LRMDA: variants seen among roughly 807,000 people sequenced by gnomAD.
LRMDA encodes leucine-rich melanocyte differentiation-associated protein.
In LRMDA, 18 loss-of-function variants were observed where a neutral mutation model predicts 29.8. That is an observed-to-expected ratio of 0.60 (90% CI 0.42 to 0.90). LRMDA has a LOEUF of 0.90. Ranked by LOEUF, LRMDA falls within the 40% of genes least tolerant of loss-of-function variation. LRMDA has a pLI of 0.00. For missense variants in LRMDA, 273 were observed against 273.9 expected, an observed-to-expected ratio of 1.00 and a Z score of 0.02; for synonymous variants, 125 against 109.4, an observed-to-expected ratio of 1.14 and a Z score of -0.89.
intron 2 of LRMDA, among the ~76,000 whole-genome samples, chr10:76,021,942 A>C (rs1417896439): frequency 6.6e-6 from 1 of 152,208 alleles, no homozygotes; most frequent in African/African-American, 2.4e-5. Context: ...AGAAAGGAAA[A>C]GTGTCCTCCT....
At chr10:76,001,571 G>A (rs1027848420) in intron 2 of LRMDA, among the ~76,000 whole-genome samples, 59 of 152,028 alleles carry the variant, frequency 3.9e-4, no homozygotes, top group African/African-American at 1.3e-3. Flanking sequence ...ACTGACTGAT[G>A]AATATAATGT....
At chr10:75,532,397 T>G (rs1845487878) in intron 2 of LRMDA, among the ~76,000 whole-genome samples, 1 of 152,064 alleles carries the variant, frequency 6.6e-6, no homozygotes, top group Non-Finnish European at 1.5e-5. Flanking sequence ...GGGTTCTGAG[T>G]CCCCAGATGT....
intron 2 of LRMDA, among the ~76,000 whole-genome samples, chr10:75,601,569 G>A (rs749919814): frequency 3.7e-4 from 56 of 152,102 alleles, no homozygotes; most frequent in Non-Finnish European, 7.1e-4. Flanking sequence ...GTGCAAATAA[G>A]GGAATTTTTA....
chr10:75,719,370 A>G (rs906196015), intron 2 of LRMDA, among the ~76,000 whole-genome samples: 4 of 152,216 alleles, frequency 2.6e-5, no homozygotes, highest in African/African-American at 9.6e-5. Context: ...TTTGTGTGAC[A>G]AGGTAACCAG....
At position 76,036,223 on chromosome 10, in the gene LRMDA, T is replaced by C. The variant is rs1437552993; in HGVS notation, c.258+89T>C. 14 of 1,306,740 alleles carry C rather than the reference T, an allele frequency of 1.1e-5. No homozygotes were observed. The African/African-American group carries it at 1.8e-4, about 17-fold the overall frequency. The allele number at this position is 1,306,740 out of a possible 1,614,324, so 80.9% of individuals were successfully genotyped here. A position where few individuals can be genotyped will look rare whatever the true frequency, so the allele number is the denominator to read the frequency against. On this transcript the variant is annotated intron_variant, in intron 3 of 6. Coordinates refer to ENST00000611255, the MANE Select transcript of LRMDA (RefSeq NM_001305581.2). ...ACCCTGCACAAATACCTGCAAAATGTCAAATGAGTTTTACGTGTCAGCTAA... is the reference window on the plus strand; with the variant it reads ...ACCCTGCACAAATACCTGCAAAATGCCAAATGAGTTTTACGTGTCAGCTAA...
chr10:75,674,528 GTGT>G (rs1353131673), intron 2 of LRMDA, among the ~76,000 whole-genome samples: 2 of 151,768 alleles, frequency 1.3e-5, no homozygotes, highest in Non-Finnish European at 1.5e-5. Context: ...CTCTAACTAA[GTGT>G]TATCACCCGG....
At chr10:75,635,919 G>C (rs954464203) in intron 2 of LRMDA, among the ~76,000 whole-genome samples, 27 of 152,228 alleles carry the variant, frequency 1.8e-4, no homozygotes, top group African/African-American at 5.5e-4. Flanking sequence ...AGTCTCAATG[G>C]TTAGTGCTGG....
chr10:75,923,886 A>G, intron 2 of LRMDA, among the ~76,000 whole-genome samples: 1 of 152,176 alleles, frequency 6.6e-6, no homozygotes, highest in East Asian at 1.9e-4. Context: ...ACCAGGATGT[A>G]GGCCAAGTGG....
At chr10:75,866,169 T>C (rs1845015422) in intron 2 of LRMDA, among the ~76,000 whole-genome samples, 1 of 152,212 alleles carries the variant, frequency 6.6e-6, no homozygotes, top group African/African-American at 2.4e-5. Context: ...ACTAGTCATA[T>C]GGGCAGTGAG....
At chr10:76,135,964 C>T (rs979284420) in intron 5 of LRMDA, among the ~76,000 whole-genome samples, 4 of 152,090 alleles carry the variant, frequency 2.6e-5, no homozygotes, top group African/African-American at 7.2e-5. Context: ...AACTTTAATT[C>T]GAGAGATTCT....
At chr10:76,173,247 G>C (rs1376810480) in intron 5 of LRMDA, among the ~76,000 whole-genome samples, 1 of 151,978 alleles carries the variant, frequency 6.6e-6, no homozygotes, top group Non-Finnish European at 1.5e-5. Flanking sequence ...TGAAGAAAAT[G>C]AACAAAGAAA....
intron 2 of LRMDA, among the ~76,000 whole-genome samples, chr10:75,441,882 G>T (rs1844330432): frequency 6.6e-6 from 1 of 151,882 alleles, no homozygotes; most frequent in Admixed American, 6.6e-5. Context: ...GTCCATTTGT[G>T]TTTTAGGGCA....
chr10:75,666,538 C>T (rs1331541870), intron 2 of LRMDA, among the ~76,000 whole-genome samples: 1 of 151,322 alleles, frequency 6.6e-6, no homozygotes, highest in Non-Finnish European at 1.5e-5. Flanking sequence ...TGTACTATTG[C>T]TTTCTTAGTG....
At chr10:76,510,073 G>T (rs1226487360) in intron 6 of LRMDA, among the ~76,000 whole-genome samples, 1 of 152,018 alleles carries the variant, frequency 6.6e-6, no homozygotes, top group Non-Finnish European at 1.5e-5. Context: ...GTTGTTGTTT[G>T]TTTGTTGTTT....
intron 2 of LRMDA, among the ~76,000 whole-genome samples, chr10:75,991,229 C>T (rs1847364650): frequency 6.6e-6 from 1 of 152,064 alleles, no homozygotes; most frequent in Admixed American, 6.6e-5. Flanking sequence ...TAATTGCTGG[C>T]TGTCGAGTGG....
intron 2 of LRMDA, among the ~76,000 whole-genome samples, chr10:76,003,623 T>C (rs1298178894): frequency 6.6e-5 from 10 of 152,162 alleles, no homozygotes; most frequent in Non-Finnish European, 1.3e-4. Flanking sequence ...GGTTGCAGTA[T>C]TGAACAGGGT....
At position 75,821,495 on chromosome 10, in the gene LRMDA, C is replaced by T. The variant is rs12247711; in HGVS notation, c.132-214513C>T. On this transcript the variant is annotated intron_variant, in intron 2 of 6. Transcript: ENST00000611255. ...CATGATAAAACCCTTACTGGCTGGG[C>T]GTGGTGGCTCACGCCTGTAATCCCA... is the stretch of plus-strand genomic sequence containing the variant. Among the ~76,000 whole-genome samples, 754 of 152,310 alleles carry T rather than the reference C, an allele frequency of 5.0e-3. 5 individuals are homozygous for T. The highest frequency in any genetic ancestry group is 0.028 in the South Asian group (137 of 4,822).
At chr10:75,484,216 A>G (rs1844884489) in intron 2 of LRMDA, among the ~76,000 whole-genome samples, 1 of 152,170 alleles carries the variant, frequency 6.6e-6, no homozygotes, top group Non-Finnish European at 1.5e-5. Flanking sequence ...TTGGCCTCTC[A>G]AAGTGCTGGG....
chr10:76,517,657 AT>A (rs1441170322), intron 6 of LRMDA, among the ~76,000 whole-genome samples: 2 of 152,106 alleles, frequency 1.3e-5, no homozygotes, highest in East Asian at 3.8e-4. Context: ...TAAAGGAATC[AT>A]GAGAAAAAAA....
Sources: gnomAD v4.1 joint callset for allele counts (sites outside exome capture counted in the v4.1 genomes callset) on GRCh38, gnomAD v4.1.1 for gene constraint, MANE v1.5 for transcripts, NCBI Gene and HGNC (gene_info 2026-07-23, HGNC 2026-07-21) for gene names.